The following PARP8 variants were observed in gnomAD, a reference collection of about 807,000 sequenced individuals.
PARP8 encodes protein mono-ADP-ribosyltransferase PARP8.
Under a neutral mutation model 124.1 loss-of-function variants are expected in PARP8, and 51 were observed. The observed-to-expected ratio is 0.41, with a 90% CI of 0.33 to 0.52. PARP8 has a LOEUF of 0.52. Ranked by LOEUF, PARP8 falls within the 20% of genes least tolerant of loss-of-function variation. The probability of loss-of-function intolerance (pLI) is 0.21; values close to 1 mark genes in which losing one functional copy is unlikely to be tolerated. For missense variants in PARP8, 860 were observed against 1,018.9 expected, an observed-to-expected ratio of 0.84 and a Z score of 2.12; for synonymous variants, 391 against 361.5, an observed-to-expected ratio of 1.08 and a Z score of -0.93.
intron 2 of PARP8, among the ~76,000 whole-genome samples, chr5:50,689,837 T>C (rs928576477): frequency 6.6e-6 from 1 of 152,216 alleles, no homozygotes; most frequent in African/African-American, 2.4e-5. Flanking sequence ...ACCATGCACC[T>C]GGATTGCAGG....
At position 50,740,977 on chromosome 5, in the gene PARP8, C is replaced by T. The variant is rs756883018; in HGVS notation, c.147-9174C>T. 1.4e-4 allele frequency among the ~76,000 whole-genome samples: 21 copies of T among 152,086 alleles called. 1 individual carries two copies. ...TGTTTGTTCCCTTTCCATGACAAAG[C>T]CTTAATTGAGCTATAGAGTTATTCA... On this transcript the variant is annotated intron_variant, in intron 2 of 25. Coordinates refer to ENST00000281631, the MANE Select transcript of PARP8 (RefSeq NM_024615.4).
chr5:50,756,975 C>T, intron 3 of PARP8: 2 of 319,028 alleles, frequency 6.3e-6, no homozygotes, highest in Non-Finnish European at 1.3e-5. Context: ...CTTCCATGTT[C>T]ATCCATGTTG....
chr5:50,797,850 C>A (rs1188965429), intron 14 of PARP8, among the ~76,000 whole-genome samples: 1 of 152,116 alleles, frequency 6.6e-6, no homozygotes, highest in Non-Finnish European at 1.5e-5. Flanking sequence ...TTAAAGTATA[C>A]AATTCAGTGG....
chr5:50,715,400 A>G (rs1227256415), intron 2 of PARP8, among the ~76,000 whole-genome samples: 5 of 152,008 alleles, frequency 3.3e-5, no homozygotes, highest in African/African-American at 7.3e-5. Flanking sequence ...GAATTTATTT[A>G]TACTTTCATG....
In PARP8 at chr5:50,843,836, T is replaced by C. The variant is rs1202427010; in HGVS notation, c.*1768T>C. 2.0e-5 allele frequency: 3 copies of C among 151,798 alleles called. No homozygotes were observed. Among genetic ancestry groups the C allele is most frequent in the Non-Finnish European group, 2.9e-5 (2 of 67,822 alleles). 9.4% of individuals were successfully genotyped at this position (151,798 alleles called of 1,614,324 possible). On this transcript the variant is annotated 3_prime_UTR_variant, in exon 26 of 26. Coordinates refer to ENST00000281631, the MANE Select transcript of PARP8 (RefSeq NM_024615.4). ...TTAAAACATGTTTAAGCAACAGAAT[T>C]ATTTTTTTGAAATTAGTCTATACGT...
chr5:50,782,979 C>A (rs1468258048), intron 9 of PARP8, among the ~76,000 whole-genome samples: 1 of 152,048 alleles, frequency 6.6e-6, no homozygotes, highest in Non-Finnish European at 1.5e-5. Flanking sequence ...TGGTATGCAG[C>A]AGAATCCAAA....
intron 14 of PARP8, among the ~76,000 whole-genome samples, chr5:50,801,228 T>G (rs818986): frequency 2.0e-5 from 3 of 152,036 alleles, no homozygotes; most frequent in Non-Finnish European, 4.4e-5. Context: ...AGCCTCCGAG[T>G]AGCTGGGATT....
At chr5:50,693,611 T>A (rs1213731931) in intron 2 of PARP8, among the ~76,000 whole-genome samples, 3 of 151,670 alleles carry the variant, frequency 2.0e-5, no homozygotes, top group Non-Finnish European at 4.4e-5. Flanking sequence ...AGCACTTAAT[T>A]TATATAATTT....
chr5:50,769,278 ATT>A (rs71612380), intron 7 of PARP8, among the ~76,000 whole-genome samples: 15 of 147,770 alleles, frequency 1.0e-4, no homozygotes, highest in Admixed American at 2.0e-4. Flanking sequence ...GGTCGTACTG[ATT>A]TTTTTTTTTA....
In PARP8 at chr5:50,795,458, A is replaced by T. The variant is rs563736300; in HGVS notation, c.1428+41A>T. ...CATCTTGAGTTCTTAAATGTTAGCTAAGGTGCAGTAGAATTTTTTTTTTCT... is the reference window on the plus strand; with the variant it reads ...CATCTTGAGTTCTTAAATGTTAGCTTAGGTGCAGTAGAATTTTTTTTTTCT... On this transcript the variant is annotated intron_variant, in intron 12 of 25. Coordinates refer to ENST00000281631, the MANE Select transcript of PARP8 (RefSeq NM_024615.4). 322 of 1,493,466 alleles carry T rather than the reference A, an allele frequency of 2.2e-4. 4 individuals are homozygous for T. In the South Asian group the frequency reaches 3.4e-3, roughly 16 times the overall value. 92.5% of individuals were successfully genotyped at this position (1,493,466 alleles called of 1,614,324 possible). A position where few individuals can be genotyped will look rare whatever the true frequency, so the allele number is the denominator to read the frequency against.
intron 14 of PARP8, among the ~76,000 whole-genome samples, chr5:50,813,826 C>T (rs72756146): frequency 0.045 from 6,779 of 152,070 alleles, 214 homozygotes; most frequent in South Asian, 0.14. Context: ...TATATGTACA[C>T]GCACACAGAC....
intron 2 of PARP8, among the ~76,000 whole-genome samples, chr5:50,690,866 A>G (rs1373667086): frequency 2.0e-5 from 3 of 152,272 alleles, no homozygotes; most frequent in Non-Finnish European, 2.9e-5. Flanking sequence ...TTCTCTCCCT[A>G]TTATCCATAG....
chr5:50,776,749 C>A (rs72756134), intron 7 of PARP8, among the ~76,000 whole-genome samples: 2 of 152,054 alleles, frequency 1.3e-5, no homozygotes, highest in Non-Finnish European at 1.5e-5. Flanking sequence ...TAAAATTTTT[C>A]AATCATTAAA....
At chr5:50,729,579 C>A (rs1756772020) in intron 2 of PARP8, among the ~76,000 whole-genome samples, 1 of 152,082 alleles carries the variant, frequency 6.6e-6, no homozygotes, top group South Asian at 2.1e-4. Context: ...AACTCTAGGT[C>A]TGTGAGTGTT....
chr5:50,837,893 A>C (rs1747758623), intron 25 of PARP8, among the ~76,000 whole-genome samples: 1 of 152,266 alleles, frequency 6.6e-6, no homozygotes, highest in African/African-American at 2.4e-5. Flanking sequence ...GGCAAAATGT[A>C]ATAGATCAGA....
intron 3 of PARP8, among the ~76,000 whole-genome samples, chr5:50,750,570 GTATC>G (rs1251310112): frequency 6.6e-6 from 1 of 151,980 alleles, no homozygotes. Context: ...GTGTGTGTGT[GTATC>G]TATTTTTTCT....
chr5:50,758,920 C>T (rs1218653017), intron 3 of PARP8, among the ~76,000 whole-genome samples: 1 of 152,064 alleles, frequency 6.6e-6, no homozygotes, highest in African/African-American at 2.4e-5. Flanking sequence ...GTATTTTGTG[C>T]ACTCAACTTG....
chr5:50,828,126 T>C, intron 20 of PARP8, 70 bp downstream of exon 20: 1 of 1,217,504 alleles, frequency 8.2e-7, no homozygotes. Context: ...GGGGAAGATA[T>C]CACTGTCTTT....
intron 2 of PARP8, among the ~76,000 whole-genome samples, chr5:50,714,130 T>G (rs1168784811): frequency 2.6e-5 from 4 of 151,756 alleles, no homozygotes; most frequent in Non-Finnish European, 4.4e-5. Flanking sequence ...AAAGTTTATT[T>G]TGAGGGTATC....
Sources: allele counts gnomAD v4.1 joint callset (sites outside exome capture counted in the v4.1 genomes callset), GRCh38; gene constraint gnomAD v4.1.1; transcripts MANE v1.5; gene names NCBI Gene and HGNC (gene_info 2026-07-23, HGNC 2026-07-21).